COL28A1: variants seen among roughly 807,000 people sequenced by gnomAD.
COL28A1 encodes collagen alpha-1(XXVIII) chain.
A neutral mutation model predicts 150.2 loss-of-function variants in COL28A1; 161 were observed. The ratio of observed to expected loss-of-function variants is 1.07; its 90% CI spans 0.94 to 1.22. The LOEUF is 1.22. Ranked by LOEUF, COL28A1 falls within the 50% of genes most tolerant of loss-of-function variation. The pLI, the probability that COL28A1 is intolerant of heterozygous loss-of-function variation, is 0.00. For missense variants in COL28A1, 1,617 were observed against 1,388.3 expected (o/e 1.16, Z -2.62); for synonymous variants, 552 against 469.7 (o/e 1.18, Z -2.26).
At chr7:7,491,533 T>C (rs907005087) in intron 11 of COL28A1, among the ~76,000 whole-genome samples, 28 of 152,266 alleles carry the variant, frequency 1.8e-4, no homozygotes, top group African/African-American at 6.0e-4. Flanking sequence ...TTTAAGCCAC[T>C]ATTATTCAAG....
chr7:7,520,600 G>T, intron 5 of COL28A1, among the ~76,000 whole-genome samples: 1 of 152,300 alleles, frequency 6.6e-6, no homozygotes, highest in East Asian at 1.9e-4. Context: ...AAGGAGCTCT[G>T]TAATCCTGTT....
chr7:7,429,464 G>A (rs2128312819), intron 25 of COL28A1, among the ~76,000 whole-genome samples: 1 of 133,362 alleles, frequency 7.5e-6, no homozygotes, highest in South Asian at 2.4e-4. Flanking sequence ...TGTGCTCTGT[G>A]TGTGTGTGTG....
In COL28A1 at chr7:7,522,806, C is replaced by CAAAAAAAAAAAAAAA. The variant is rs200294353; in HGVS notation, c.703-860_703-846dup. ...ACTAACACTAACGATAGCTGAAGAG[C>CAAAAAAAAAAAAAAA]AAAAAAAAAAAAAAAAAAAAAAAAA... On this transcript the variant is annotated intron_variant, in intron 4 of 34. Transcript: ENST00000399429. Among the ~76,000 whole-genome samples the CAAAAAAAAAAAAAAA allele has an allele frequency of 1.0e-3, 94 of 93,154 alleles. 4 individuals carry two copies. The highest frequency in any genetic ancestry group is 2.5e-3 in the East Asian group (8 of 3,250). The allele number at this position is 93,154 out of a possible 152,430, so 61.1% of individuals were successfully genotyped here. A position where few individuals can be genotyped will look rare whatever the true frequency, so the allele number is the denominator to read the frequency against.
intron 3 of COL28A1, among the ~76,000 whole-genome samples, chr7:7,525,030 ATAACTGGC>A (rs1781944067): frequency 6.6e-6 from 1 of 152,254 alleles, no homozygotes; most frequent in African/African-American, 2.4e-5. Flanking sequence ...ACTTACATTT[ATAACTGGC>A]TAACTTAGGG....
At chr7:7,452,229 C>A (rs116572798) in intron 18 of COL28A1, 90 bp downstream of exon 18, 39 of 1,533,976 alleles carry the variant, frequency 2.5e-5, no homozygotes, top group Non-Finnish European at 3.0e-5. Flanking sequence ...AGATAACACA[C>A]ACAGAGTCTG....
intron 25 of COL28A1, among the ~76,000 whole-genome samples, chr7:7,429,556 C>G (rs1198807343): frequency 2.0e-5 from 3 of 151,880 alleles, no homozygotes; most frequent in African/African-American, 7.3e-5. Flanking sequence ...AATTTTGAAG[C>G]CCCTGTAAAA....
chr7:7,471,125 T>TAAAAAAAA (rs746981344), intron 15 of COL28A1, among the ~76,000 whole-genome samples: 57 of 88,480 alleles, frequency 6.4e-4, no homozygotes, highest in African/African-American at 1.8e-3. Context: ...AAAAAATAAT[T>TAAAAAAAA]AAAAAAAAAA....
At chr7:7,437,148 G>T (rs1029916370) in intron 22 of COL28A1, among the ~76,000 whole-genome samples, 1 of 152,148 alleles carries the variant, frequency 6.6e-6, no homozygotes, top group South Asian at 2.1e-4. Context: ...CCTGCATTAG[G>T]GTTTAGGATT....
chr7:7,526,150 G>A (rs774419594), intron 3 of COL28A1, among the ~76,000 whole-genome samples: 2 of 152,218 alleles, frequency 1.3e-5, no homozygotes, highest in Non-Finnish European at 2.9e-5. Context: ...GCTTTATCAC[G>A]AGGCTGCCAG....
chr7:7,507,447 A>C (rs1321823954), intron 9 of COL28A1, among the ~76,000 whole-genome samples: 1 of 152,228 alleles, frequency 6.6e-6, no homozygotes, highest in African/African-American at 2.4e-5. Context: ...ATTACTTTAT[A>C]AGATTCCTTA....
chr7:7,360,091 G>T (rs1450571612), intron 34 of COL28A1, among the ~76,000 whole-genome samples: 2 of 151,940 alleles, frequency 1.3e-5, no homozygotes, highest in Non-Finnish European at 2.9e-5. Flanking sequence ...TACGGACTAC[G>T]GTAAACAGGA....
In COL28A1 at chr7:7,490,630, G is replaced by C. The variant is rs1438026267; in HGVS notation, c.1043C>G (p.Pro348Arg). Residue 348 changes from proline (P) to arginine (R), a missense_variant, in exon 12 of 35, where the codon CCT (proline) becomes CGT (arginine). Physicochemically the swap from Pro to Arg is moderately radical, Grantham distance 103. Coordinates refer to ENST00000399429, the MANE Select transcript of COL28A1 (RefSeq NM_001037763.3). ...FQGNKGEPGP[P>R]GPYGSPGAPG... ...AGCTCCTGGAGAACCATAAGGACCAGGAGGACCTGGCTCACCCTGGAGGAA... is the reference window on the plus strand; with the variant it reads ...AGCTCCTGGAGAACCATAAGGACCACGAGGACCTGGCTCACCCTGGAGGAA... 7.5e-7 allele frequency: 1 copy of C among 1,341,680 alleles called. No individual in the cohort carries two copies. Among genetic ancestry groups the C allele is most frequent in the Non-Finnish European group, 1.1e-6 (1 of 932,408 alleles). 83.1% of individuals were successfully genotyped at this position (1,341,680 alleles called of 1,614,324 possible).
intron 33 of COL28A1, among the ~76,000 whole-genome samples, chr7:7,370,163 A>C (rs1459715676): frequency 6.6e-6 from 1 of 152,232 alleles, no homozygotes; most frequent in Non-Finnish European, 1.5e-5. Flanking sequence ...GTGATTGAGG[A>C]GCTCTGAAAC....
intron 18 of COL28A1, among the ~76,000 whole-genome samples, chr7:7,448,946 C>G (rs954705460): frequency 1.3e-5 from 2 of 152,006 alleles, no homozygotes; most frequent in African/African-American, 4.8e-5. Context: ...GAAAGCAGAT[C>G]TGTGGGAAGC....
intron 25 of COL28A1, among the ~76,000 whole-genome samples, chr7:7,429,804 T>A (rs917207943): frequency 1.3e-5 from 2 of 152,134 alleles, no homozygotes; most frequent in African/African-American, 4.8e-5. Context: ...TCCTACCTAG[T>A]ACTCTTCTCC....
chr7:7,381,406 T>C (rs992116479), intron 28 of COL28A1, 138 bp downstream of exon 28: 7 of 662,332 alleles, frequency 1.1e-5, no homozygotes, highest in African/African-American at 3.6e-5. Flanking sequence ...TGCACGAGGA[T>C]TTTATTTTGA....
At chr7:7,415,409 G>T (rs773999575) in intron 27 of COL28A1, among the ~76,000 whole-genome samples, 5 of 152,184 alleles carry the variant, frequency 3.3e-5, no homozygotes, top group Non-Finnish European at 5.9e-5. Flanking sequence ...TATTTCGTCG[G>T]TGCAAAAGTA....
intron 11 of COL28A1, among the ~76,000 whole-genome samples, chr7:7,496,244 T>G (rs1452881349): frequency 6.6e-6 from 1 of 152,192 alleles, no homozygotes; most frequent in Non-Finnish European, 1.5e-5. Flanking sequence ...ACTGTGGGGA[T>G]GATGCATATG....
chr7:7,473,837 C>G (rs6950825), intron 15 of COL28A1, among the ~76,000 whole-genome samples: 3 of 151,132 alleles, frequency 2.0e-5, no homozygotes, highest in Non-Finnish European at 2.9e-5. Flanking sequence ...ATATATATTA[C>G]AGTGTGTGTG....
Sources: gnomAD v4.1 joint callset for allele counts (sites outside exome capture counted in the v4.1 genomes callset) on GRCh38, gnomAD v4.1.1 for gene constraint, MANE v1.5 for transcripts, NCBI Gene and HGNC (gene_info 2026-07-23, HGNC 2026-07-21) for gene names.